Variants in UGT1A8 observed in about 807,000 individuals in gnomAD.
UGT1A8 encodes the protein UDP-glucuronosyltransferase 1A8.
UGT1A8 carries 39 observed loss-of-function variants against 45.3 expected under a neutral mutation model. That is an observed-to-expected ratio of 0.86 (90% CI 0.67 to 1.12). The LOEUF (loss-of-function observed/expected upper bound fraction) is 1.12, where lower values mean the gene tolerates loss of function less well. Among genes scored for constraint, UGT1A8 ranks in the 50% most tolerant of loss-of-function variants. UGT1A8 has a pLI of 0.00. For synonymous variants in UGT1A8, 275 were observed against 249.2 expected (o/e 1.10, Z -0.97); for missense variants, 719 against 664.9 (o/e 1.08, Z -0.90).
intron 1 of UGT1A8, among the ~76,000 whole-genome samples, chr2:233,662,151 G>A (rs1461742476): frequency 6.6e-6 from 1 of 152,058 alleles, no homozygotes; most frequent in East Asian, 1.9e-4. Context: ...GACTACAAAT[G>A]GTGTCATGTA....
At chr2:233,683,872 C>T (rs2074654368) in intron 1 of UGT1A8, among the ~76,000 whole-genome samples, 1 of 152,052 alleles carries the variant, frequency 6.6e-6, no homozygotes, top group South Asian at 2.1e-4. Flanking sequence ...GCAAATTATT[C>T]CCTCCCCTGG....
chr2:233,708,361 C>T (rs919145520), intron 1 of UGT1A8: 2 of 152,120 alleles, frequency 1.3e-5, no homozygotes, highest in African/African-American at 4.8e-5. Context: ...CTTATTAATT[C>T]TTCATTTAAA....
In UGT1A8 at chr2:233,617,929, G is replaced by T. The variant is rs761476071; in HGVS notation, c.222G>T (p.Val74=). Residue 74 remains valine (V), a synonymous_variant, in exon 1 of 5, where the codon GTG becomes GTT. Transcript: ENST00000373450. ...TGGGAAAATCACTGAATTGCACAGT[G>T]AAGACTTACTCAACCTCATACACTC... ...WQLGKSLNCT[V]KTYSTSYTLE... 1.2e-6 allele frequency: 2 copies of T among 1,614,194 alleles called. No individual in the cohort carries two copies. Among genetic ancestry groups the T allele is most frequent in the South Asian group, 2.2e-5 (2 of 91,078 alleles).
rs761516231 is a variant in UGT1A8, at chr2:233,693,158, C to T, written c.856-73876C>T. 27 of 1,614,000 alleles carry T rather than the reference C, an allele frequency of 1.7e-5. No individual in the cohort carries two copies. Among genetic ancestry groups the T allele is most frequent in the East Asian group, 1.1e-4 (5 of 44,886 alleles). ...GGATATAGTTGAGGTTCTCAGTGAC[C>T]GGGGTCATGAGATTGTAGTGGTGGT... is the stretch of plus-strand genomic sequence containing the variant. On this transcript the variant is annotated intron_variant, in intron 1 of 4. Coordinates refer to ENST00000373450, the MANE Select transcript of UGT1A8 (RefSeq NM_019076.5).
chr2:233,644,039 C>G (rs911290855), intron 1 of UGT1A8, among the ~76,000 whole-genome samples: 1 of 152,172 alleles, frequency 6.6e-6, no homozygotes, highest in African/African-American at 2.4e-5. Flanking sequence ...TGTCGGTACT[C>G]CCTTGGCTGC....
At position 233,721,338 on chromosome 2, in the gene UGT1A8, A is replaced by C. The variant is rs569629539; in HGVS notation, c.856-45696A>C. On this transcript the variant is annotated intron_variant, in intron 1 of 4. Transcript: ENST00000373450. Reference sequence around the variant, plus strand: ...TCTTTTCTTGTGGTTTTTCACTATGAATATATTCTTTAGACTGAACTGCAC... The same window carrying C: ...TCTTTTCTTGTGGTTTTTCACTATGCATATATTCTTTAGACTGAACTGCAC... Among the ~76,000 whole-genome samples, 10 of 152,226 alleles carry C rather than the reference A, an allele frequency of 6.6e-5. No homozygotes were observed. The South Asian group carries it at 1.9e-3, about 28-fold the overall frequency.
At position 233,739,624 on chromosome 2, in the gene UGT1A8, T is replaced by A. The variant is rs572450028; in HGVS notation, c.856-27410T>A. On this transcript the variant is annotated intron_variant, in intron 1 of 4. Transcript: ENST00000373450. ...TTTGTTTTGGCCAGTTTCTCCCATT[T>A]GAAATGGGAACATTTACCCAATTTC... is the stretch of plus-strand genomic sequence containing the variant. 4.6e-5 allele frequency among the ~76,000 whole-genome samples: 7 copies of A among 152,364 alleles called. No individual in the cohort carries two copies. The East Asian group carries it at 1.2e-3, about 25-fold the overall frequency.
At chr2:233,673,181 T>C (rs2125503703) in intron 1 of UGT1A8, among the ~76,000 whole-genome samples, 1 of 152,322 alleles carries the variant, frequency 6.6e-6, no homozygotes, top group East Asian at 1.9e-4. Context: ...ATATACAATA[T>C]CTAATGTAAA....
intron 1 of UGT1A8, among the ~76,000 whole-genome samples, chr2:233,761,681 C>T (rs1697835350): frequency 6.6e-6 from 1 of 152,246 alleles, no homozygotes; most frequent in Non-Finnish European, 1.5e-5. Flanking sequence ...CAGGTTCTGA[C>T]ATGATACAGA....
intron 1 of UGT1A8, among the ~76,000 whole-genome samples, chr2:233,665,896 C>T (rs1458635321): frequency 6.6e-6 from 1 of 152,174 alleles, no homozygotes; most frequent in African/African-American, 2.4e-5. Flanking sequence ...AGGTGCCCTC[C>T]CACCACCTGC....
intron 3 of UGT1A8, 51 bp from the exon 4 acceptor site, chr2:233,768,169 T>G: frequency 1.9e-6 from 3 of 1,613,804 alleles, no homozygotes; most frequent in Non-Finnish European, 2.5e-6. Context: ...TGTGTCCAGC[T>G]GTGAAACTCA....
intron 1 of UGT1A8, among the ~76,000 whole-genome samples, chr2:233,626,578 A>T (rs1027725216): frequency 6.6e-6 from 1 of 152,056 alleles, no homozygotes. Flanking sequence ...AGAAGAAATG[A>T]ATTGTTTGGG....
intron 1 of UGT1A8, among the ~76,000 whole-genome samples, chr2:233,761,951 C>T (rs997594435): frequency 3.9e-5 from 6 of 152,200 alleles, no homozygotes; most frequent in Non-Finnish European, 8.8e-5. Flanking sequence ...GCGTCTGGCT[C>T]CCATTAAGGG....
chr2:233,729,580 G>A, intron 1 of UGT1A8: 1 of 1,614,110 alleles, frequency 6.2e-7, no homozygotes. Context: ...GGTTTTAACA[G>A]ACCCCGTTAA....
chr2:233,693,470 G>C, intron 1 of UGT1A8: 1 of 1,614,122 alleles, frequency 6.2e-7, no homozygotes, highest in Non-Finnish European at 8.5e-7. Flanking sequence ...CTTACCCTGT[G>C]GGGTGATCCT....
At chr2:233,758,936 A>C (rs3755319) in intron 1 of UGT1A8, among the ~76,000 whole-genome samples, 79,279 of 152,106 alleles carry the variant, frequency 0.52, 21,809 homozygotes, top group African/African-American at 0.7. Context: ...TTGACTTCAA[A>C]TCAGTCATCA....
chr2:233,649,225 C>A (rs868307236), intron 1 of UGT1A8, among the ~76,000 whole-genome samples: 3 of 152,102 alleles, frequency 2.0e-5, no homozygotes, highest in African/African-American at 7.2e-5. Context: ...TATGTGTATA[C>A]GATTGGTTAA....
At chr2:233,728,696 G>T (rs930449968) in intron 1 of UGT1A8, among the ~76,000 whole-genome samples, 26 of 152,206 alleles carry the variant, frequency 1.7e-4, no homozygotes, top group African/African-American at 6.3e-4. Context: ...TCAAGGGTTA[G>T]CAAATAGGGT....
At chr2:233,688,953 T>G (rs531606613) in intron 1 of UGT1A8, among the ~76,000 whole-genome samples, 139 of 152,230 alleles carry the variant, frequency 9.1e-4, no homozygotes, top group Non-Finnish European at 1.6e-3. Flanking sequence ...AAGCCAAATG[T>G]TTGGAATCAT....
Sources: gnomAD v4.1 joint callset for allele counts (sites outside exome capture counted in the v4.1 genomes callset) on GRCh38, gnomAD v4.1.1 for gene constraint, MANE v1.5 for transcripts, NCBI Gene and HGNC (gene_info 2026-07-23, HGNC 2026-07-21) for gene names.